The following RABGAP1L variants were observed in gnomAD, a reference collection of about 807,000 sequenced individuals.
RABGAP1L encodes the protein rab GTPase-activating protein 1-like.
A neutral mutation model predicts 137.7 loss-of-function variants in RABGAP1L; 63 were observed. The observed-to-expected ratio is 0.46, with a 90% CI of 0.37 to 0.56. The LOEUF is 0.56. RABGAP1L is among the 20% of genes least tolerant of loss of function. The pLI is 0.00. For missense variants in RABGAP1L, 1,095 were observed against 1,244.0 expected (o/e 0.88, Z 1.80); for synonymous variants, 431 against 433.7 (o/e 0.99, Z 0.08).
In RABGAP1L at chr1:174,400,023, G is replaced by A. The variant is rs187041990; in HGVS notation, c.1710+5878G>A. 3.3e-5 allele frequency among the ~76,000 whole-genome samples: 5 copies of A among 152,238 alleles called. No homozygotes were observed. The East Asian group carries it at 7.7e-4, about 24-fold the overall frequency. On this transcript the variant is annotated intron_variant, in intron 13 of 25. Transcript: ENST00000681986. ...TACCATTTAAATCTATAGTAGGAAT[G>A]TACTGGTTTAGAATTTGAACCCACA...
intron 13 of RABGAP1L, among the ~76,000 whole-genome samples, chr1:174,451,227 G>A (rs181621794): frequency 6.6e-6 from 1 of 152,188 alleles, no homozygotes; most frequent in Admixed American, 6.5e-5. Context: ...GTTCAAGGAA[G>A]TGTACTGCTA....
At chr1:174,778,380 G>A (rs995949304) in intron 18 of RABGAP1L, among the ~76,000 whole-genome samples, 5 of 152,164 alleles carry the variant, frequency 3.3e-5, no homozygotes, top group African/African-American at 1.2e-4. Context: ...CTGGATTACT[G>A]AAAATGTTAA....
At chr1:174,973,384 C>G (rs75382979) in intron 21 of RABGAP1L, among the ~76,000 whole-genome samples, 1 of 94,064 alleles carries the variant, frequency 1.1e-5, no homozygotes, top group African/African-American at 3.4e-5. Context: ...TCTTTCATTT[C>G]TTTTTTTTTT....
chr1:174,413,365 C>T (rs1650167887), intron 13 of RABGAP1L, among the ~76,000 whole-genome samples: 1 of 152,074 alleles, frequency 6.6e-6, no homozygotes, highest in African/African-American at 2.4e-5. Context: ...TTGCTTTAGA[C>T]GTTTGTGTCG....
At chr1:174,699,422 C>G (rs769848276) in intron 15 of RABGAP1L, 103 bp from the exon 16 acceptor site, 1 of 1,036,434 alleles carries the variant, frequency 9.6e-7, no homozygotes, top group South Asian at 1.9e-5. Flanking sequence ...TTGCTCCAGG[C>G]CTTCAGCTAC....
chr1:174,643,983 A>G (rs1029368008), intron 14 of RABGAP1L, among the ~76,000 whole-genome samples: 1 of 151,648 alleles, frequency 6.6e-6, no homozygotes, highest in African/African-American at 2.4e-5. Context: ...TTAATTTCAT[A>G]CTTACCCTTT....
intron 19 of RABGAP1L, among the ~76,000 whole-genome samples, chr1:174,925,988 C>G (rs1056989994): frequency 6.7e-5 from 10 of 149,462 alleles, no homozygotes. Flanking sequence ...CTCAGCCTCC[C>G]AAGTAGCTGG....
At chr1:174,804,593 G>A (rs567997520) in intron 18 of RABGAP1L, among the ~76,000 whole-genome samples, 1 of 152,266 alleles carries the variant, frequency 6.6e-6, no homozygotes, top group African/African-American at 2.4e-5. Context: ...GATTACAGGT[G>A]TGAACCACCG....
chr1:174,233,014 C>T (rs1224302503), intron 4 of RABGAP1L, among the ~76,000 whole-genome samples: 1 of 152,060 alleles, frequency 6.6e-6, no homozygotes, highest in African/African-American at 2.4e-5. Flanking sequence ...TTGGGAGTTC[C>T]TAGATCAAAG....
intron 11 of RABGAP1L, among the ~76,000 whole-genome samples, chr1:174,327,883 TAGAAAA>T (rs1255682486): frequency 2.0e-5 from 3 of 147,320 alleles, no homozygotes; most frequent in Non-Finnish European, 3.0e-5. Context: ...AGTAAAAAAT[TAGAAAA>T]AGAGGCAAAC....
intron 13 of RABGAP1L, among the ~76,000 whole-genome samples, chr1:174,577,379 A>T (rs1382964646): frequency 6.6e-6 from 1 of 151,870 alleles, no homozygotes; most frequent in Non-Finnish European, 1.5e-5. Flanking sequence ...GAATTTCCAT[A>T]CATTTTTGGT....
chr1:174,510,465 T>G (rs946092120), intron 13 of RABGAP1L, among the ~76,000 whole-genome samples: 1 of 152,212 alleles, frequency 6.6e-6, no homozygotes, highest in Non-Finnish European at 1.5e-5. Context: ...TTTCTGACTT[T>G]GGGTTCTGAG....
At chr1:174,542,147 G>A (rs1665516933) in intron 13 of RABGAP1L, among the ~76,000 whole-genome samples, 1 of 152,142 alleles carries the variant, frequency 6.6e-6, no homozygotes, top group Non-Finnish European at 1.5e-5. Flanking sequence ...TCTGTTGATT[G>A]GAATAGTTTC....
chr1:174,561,481 C>G (rs1203730657), intron 13 of RABGAP1L, among the ~76,000 whole-genome samples: 7 of 151,744 alleles, frequency 4.6e-5, no homozygotes, highest in South Asian at 2.1e-4. Flanking sequence ...CTACCATTGC[C>G]TTTCTTCACA....
chr1:174,398,576 C>G (rs538573714), intron 13 of RABGAP1L, among the ~76,000 whole-genome samples: 2 of 152,176 alleles, frequency 1.3e-5, no homozygotes, highest in Admixed American at 1.3e-4. Context: ...AAAGGCTAGA[C>G]CTCTCTTTGG....
intron 19 of RABGAP1L, among the ~76,000 whole-genome samples, chr1:174,817,083 G>A (rs1200839241): frequency 6.6e-6 from 1 of 152,000 alleles, no homozygotes; most frequent in Non-Finnish European, 1.5e-5. Context: ...TTGGAATAAT[G>A]TTCCAAGTAC....
chr1:174,564,171 A>G (rs1301621957), intron 13 of RABGAP1L, among the ~76,000 whole-genome samples: 1 of 152,158 alleles, frequency 6.6e-6, no homozygotes, highest in East Asian at 1.9e-4. Flanking sequence ...AATCTTTTTA[A>G]TCTCATATCA....
At chr1:174,875,040 A>T (rs1256809717) in intron 19 of RABGAP1L, among the ~76,000 whole-genome samples, 2 of 152,208 alleles carry the variant, frequency 1.3e-5, no homozygotes, top group Non-Finnish European at 2.9e-5. Flanking sequence ...TAGAAATGAC[A>T]TGTTATTAAT....
chr1:174,915,575 G>C (rs181274513), intron 19 of RABGAP1L, among the ~76,000 whole-genome samples: 2 of 152,278 alleles, frequency 1.3e-5, no homozygotes, highest in East Asian at 3.9e-4. Flanking sequence ...TCCTGCCTCA[G>C]CCTCCCGAGT....
Sources: gnomAD v4.1 joint callset for allele counts (sites outside exome capture counted in the v4.1 genomes callset) on GRCh38, gnomAD v4.1.1 for gene constraint, MANE v1.5 for transcripts, NCBI Gene and HGNC (gene_info 2026-07-23, HGNC 2026-07-21) for gene names.